The following SDK1 variants were observed in gnomAD, a reference collection of about 807,000 sequenced individuals.
The protein encoded by SDK1 is protein sidekick-1.
A neutral mutation model predicts 245.5 loss-of-function variants in SDK1; 157 were observed. The ratio of observed to expected loss-of-function variants is 0.64; its 90% CI spans 0.56 to 0.73. The LOEUF (loss-of-function observed/expected upper bound fraction) is 0.73. Among genes scored for constraint, SDK1 ranks in the 30% least tolerant of loss-of-function variants. The probability of loss-of-function intolerance (pLI) is 0.00; values close to 1 mark genes in which losing one functional copy is unlikely to be tolerated. For missense variants in SDK1, 3,583 were observed against 3,002.3 expected, an observed-to-expected ratio of 1.19 and a Z score of -4.52; for synonymous variants, 1,647 against 1,278.5, an observed-to-expected ratio of 1.29 and a Z score of -6.15.
intron 4 of SDK1, among the ~76,000 whole-genome samples, chr7:3,741,448 A>C (rs1396516547): frequency 6.6e-6 from 1 of 152,162 alleles, no homozygotes; most frequent in Non-Finnish European, 1.5e-5. Context: ...TGTGAAGCTT[A>C]TTTTAGCTGT....
rs142419819 is a variant in SDK1, at chr7:3,458,925, C to A, written c.298+157041C>A. On this transcript the variant is annotated intron_variant, in intron 1 of 44. Coordinates refer to ENST00000404826, the MANE Select transcript of SDK1 (RefSeq NM_152744.4). ...ATGAAAGTGCTCTAAATTCATTGTTCAGGATTGTCTTGATCATTATTTAAT... is the reference window on the plus strand; with the variant it reads ...ATGAAAGTGCTCTAAATTCATTGTTAAGGATTGTCTTGATCATTATTTAAT... 3.3e-5 allele frequency among the ~76,000 whole-genome samples: 5 copies of A among 152,224 alleles called. No homozygotes were observed. In the East Asian group the frequency reaches 9.7e-4, roughly 29 times the overall value.
At chr7:4,167,423 A>T (rs1228705628) in intron 32 of SDK1, among the ~76,000 whole-genome samples, 1 of 134,830 alleles carries the variant, frequency 7.4e-6, no homozygotes, top group Non-Finnish European at 1.5e-5. Flanking sequence ...AAACAACAAC[A>T]GCAACAAAAA....
chr7:3,986,486 C>G (rs978575726), intron 13 of SDK1, among the ~76,000 whole-genome samples: 3 of 152,242 alleles, frequency 2.0e-5, no homozygotes, highest in African/African-American at 7.2e-5. Flanking sequence ...TGTATCGGGA[C>G]TTTTCCTGCA....
chr7:3,732,691 C>T (rs1406775706), intron 4 of SDK1, among the ~76,000 whole-genome samples: 1 of 152,196 alleles, frequency 6.6e-6, no homozygotes. Context: ...GCTGAAATGT[C>T]TAGCCACACA....
intron 4 of SDK1, among the ~76,000 whole-genome samples, chr7:3,776,664 C>G (rs1051987640): frequency 6.6e-5 from 10 of 150,842 alleles, no homozygotes; most frequent in Non-Finnish European, 1.3e-4. Flanking sequence ...AGTAACTGAC[C>G]TATAAAACAA....
At chr7:3,933,457 G>A (rs1446759921) in intron 5 of SDK1, among the ~76,000 whole-genome samples, 3 of 152,196 alleles carry the variant, frequency 2.0e-5, no homozygotes, top group East Asian at 3.9e-4. Flanking sequence ...TCCTGGAGCT[G>A]TTTTGGAATG....
intron 1 of SDK1, among the ~76,000 whole-genome samples, chr7:3,548,950 C>T (rs1000926181): frequency 7.2e-5 from 11 of 152,200 alleles, no homozygotes; most frequent in Admixed American, 2.0e-4. Context: ...CCATATAGAA[C>T]AACAACAGTA....
chr7:3,761,906 G>T (rs1780116926), intron 4 of SDK1, among the ~76,000 whole-genome samples: 1 of 152,302 alleles, frequency 6.6e-6, no homozygotes, highest in East Asian at 1.9e-4. Flanking sequence ...CAGGCTCAGT[G>T]TGTTAAATCC....
intron 32 of SDK1, 123 bp from the exon 33 acceptor site, chr7:4,174,099 C>T (rs895132814): frequency 3.4e-5 from 35 of 1,024,568 alleles, no homozygotes; most frequent in African/African-American, 9.5e-5. Context: ...TGACACCTGT[C>T]GCTGGAACCC....
At chr7:3,980,706 G>T (rs1358617567) in intron 13 of SDK1, among the ~76,000 whole-genome samples, 1 of 152,216 alleles carries the variant, frequency 6.6e-6, no homozygotes, top group African/African-American at 2.4e-5. Flanking sequence ...CACTTTGGGA[G>T]GCCGAGGCAG....
chr7:4,168,759 C>G (rs926354585), intron 32 of SDK1, among the ~76,000 whole-genome samples: 1 of 152,172 alleles, frequency 6.6e-6, no homozygotes, highest in Non-Finnish European at 1.5e-5. Context: ...TGAAGGTGAC[C>G]TCAGGGCGAG....
intron 1 of SDK1, among the ~76,000 whole-genome samples, chr7:3,498,180 T>G (rs1412163043): frequency 1.3e-5 from 2 of 152,210 alleles, no homozygotes; most frequent in African/African-American, 4.8e-5. Context: ...GTGTGGGGTT[T>G]TGGGGTGAAA....
intron 1 of SDK1, among the ~76,000 whole-genome samples, chr7:3,380,176 G>T (rs776913756): frequency 2.6e-5 from 4 of 152,094 alleles, no homozygotes; most frequent in Non-Finnish European, 4.4e-5. Flanking sequence ...TTTATCTTAT[G>T]GTTTGGCTTA....
At chr7:4,207,179 G>A (rs764410779) in intron 36 of SDK1, among the ~76,000 whole-genome samples, 2 of 152,158 alleles carry the variant, frequency 1.3e-5, no homozygotes, top group African/African-American at 2.4e-5. Context: ...CAAGGCGGGC[G>A]GGTGTGCGAG....
chr7:3,670,584 G>A (rs137876171), intron 4 of SDK1, among the ~76,000 whole-genome samples: 1 of 152,328 alleles, frequency 6.6e-6, no homozygotes, highest in African/African-American at 2.4e-5. Context: ...GTGTGCGGTG[G>A]TAGCACAGTG....
intron 4 of SDK1, among the ~76,000 whole-genome samples, chr7:3,757,154 C>G (rs956582255): frequency 3.3e-4 from 51 of 152,264 alleles, no homozygotes; most frequent in African/African-American, 1.2e-3. Context: ...AAAACTACCC[C>G]CACTTCAGAT....
chr7:4,140,469 G>A (rs977945511), intron 28 of SDK1, among the ~76,000 whole-genome samples: 1 of 152,194 alleles, frequency 6.6e-6, no homozygotes, highest in Non-Finnish European at 1.5e-5. Flanking sequence ...CCCCCACTCT[G>A]TGTCGGTCAC....
chr7:4,197,625 C>T (rs1584423327), intron 35 of SDK1, among the ~76,000 whole-genome samples: 1 of 152,238 alleles, frequency 6.6e-6, no homozygotes, highest in Non-Finnish European at 1.5e-5. Context: ...TGATGGTGTA[C>T]AGGGGAGCGG....
At chr7:4,030,443 G>A (rs1005533770) in intron 17 of SDK1, among the ~76,000 whole-genome samples, 1 of 152,198 alleles carries the variant, frequency 6.6e-6, no homozygotes, top group Admixed American at 6.5e-5. Flanking sequence ...AGGAAGGTTG[G>A]GTCCAAGAAG....
Sources: gnomAD v4.1 joint callset for allele counts (sites outside exome capture counted in the v4.1 genomes callset) on GRCh38, gnomAD v4.1.1 for gene constraint, MANE v1.5 for transcripts, NCBI Gene and HGNC (gene_info 2026-07-23, HGNC 2026-07-21) for gene names.